PLD4: variants seen among roughly 807,000 people sequenced by gnomAD.
The protein encoded by PLD4 is phospholipase D family member 4, also known as 5'-3' exonuclease PLD4.
In PLD4, 54 loss-of-function variants were observed where a neutral mutation model predicts 52.3. The ratio of observed to expected loss-of-function variants is 1.03; its 90% confidence interval spans 0.83 to 1.30. The LOEUF (loss-of-function observed/expected upper bound fraction) is 1.30. PLD4 is among the 50% of genes most tolerant of loss of function. PLD4 has a pLI of 0.00. For synonymous variants in PLD4, 264 were observed against 286.5 expected (o/e 0.92, Z 0.79); for missense variants, 731 against 671.1 (o/e 1.09, Z -0.99).
chr14:104,930,824 T>G lies in PLD4; in HGVS notation c.800T>G (p.Leu267Arg). The G allele has an allele frequency of 6.2e-7, 1 of 1,613,552 alleles. No homozygotes were observed. The highest frequency in any genetic ancestry group is 8.5e-7 in the Non-Finnish European group (1 of 1,180,014). ...LEKTFQTYWV[L>R]GVPKAVLPKT... ...AAGACCTTCCAGACCTACTGGGTAC[T>G]GGGGGTGCCCAAGGCTGTCCTCCCC... is the stretch of plus-strand genomic sequence containing the variant. The change falls in exon 7 of 11, where the codon CTG becomes CGG. Residue 267 changes from leucine to arginine, a missense_variant. Physicochemically the swap from Leu to Arg is moderately radical, Grantham distance 102. Transcript: ENST00000392593.
At chr14:104,933,321 T>A, downstream of PLD4, 1 of 197,578 alleles carries the variant, frequency 5.1e-6, no homozygotes, top group Non-Finnish European at 1.0e-5. Context: ...CCTGCGAAAC[T>A]GCGCCGCGCG....
chr14:104,932,839 G>C lies in PLD4; in HGVS notation c.1396G>C (p.Ala466Pro). The C allele has an allele frequency of 6.2e-7, 1 of 1,604,890 alleles. No homozygotes were observed. Among genetic ancestry groups the C allele is most frequent in the South Asian group, 1.1e-5 (1 of 89,714 alleles). ...VGLVVTQSPG[A>P]QPAGATVQEQ... is the part of the protein sequence containing the mutation. ...CTTGGTGGTCACCCAGAGCCCTGGCGCGCAGCCCGCGGGGGCCACGGTGCA... is the reference window on the plus strand; with the variant it reads ...CTTGGTGGTCACCCAGAGCCCTGGCCCGCAGCCCGCGGGGGCCACGGTGCA... Residue 466 changes from alanine (A) to proline (P), a missense_variant, in exon 11 of 11, where the codon GCG becomes CCG. By Grantham distance (27) the Ala-to-Pro change is conservative. Coordinates refer to ENST00000392593, the MANE Select transcript of PLD4 (RefSeq NM_138790.5). The surrounding 1 kb of genome is among the most constrained non-coding windows in gnomAD (Gnocchi z 6.5).
chr14:104,933,398 C>A (rs1485628323), downstream of PLD4: 2 of 158,080 alleles, frequency 1.3e-5, no homozygotes, highest in African/African-American at 2.4e-5. Flanking sequence ...GGGCGGGGAC[C>A]AGACGGGCCT....
At position 104,932,947 on chromosome 14, in the gene PLD4, T is replaced by A. The variant is rs755870923; in HGVS notation, c.1504T>A (p.Cys502Ser). The change falls in exon 11 of 11, where the codon TGC becomes AGC. Residue 502 changes from cysteine to serine, a missense_variant. Physicochemically the swap from Cys to Ser is moderately radical, Grantham distance 112 (BLOSUM62 -1). Transcript: ENST00000392593. The surrounding 1 kb of genome is among the most constrained non-coding windows in gnomAD (Gnocchi z 6.5). ...GGACGGACAGGCTCCGGGCCAGGACTGCGTTTGGCAGGGCTGAGGGGGGCC... is the reference window on the plus strand; with the variant it reads ...GGACGGACAGGCTCCGGGCCAGGACAGCGTTTGGCAGGGCTGAGGGGGGCC... ...GLDGQAPGQD[C>S]VWQG is the part of the protein sequence containing the mutation. The A allele has an allele frequency of 3.1e-6, 5 of 1,593,278 alleles. No individual in the cohort carries two copies. In the South Asian group the frequency reaches 5.7e-5, roughly 18 times the overall value.
intron 4 of PLD4, 44 bp downstream of exon 4, chr14:104,928,976 C>T: frequency 1.3e-6 from 2 of 1,555,594 alleles, no homozygotes; most frequent in Non-Finnish European, 1.7e-6. Context: ...GCTGGAAACA[C>T]AGCAAGTCAG....
At chr14:104,927,996 C>A in intron 3 of PLD4, 130 bp downstream of exon 3, 1 of 1,052,106 alleles carries the variant, frequency 9.5e-7, no homozygotes. Context: ...TGCAGGTCAC[C>A]AGGGAGGGCC....
downstream of PLD4, chr14:104,934,752 CCT>C (rs2140808262): frequency 6.6e-6 from 1 of 152,356 alleles, no homozygotes; most frequent in South Asian, 2.1e-4. Flanking sequence ...CTTCCTCTTC[CCT>C]CTTTGCTTTG....
intron 8 of PLD4, 57 bp from the exon 9 acceptor site, chr14:104,931,955 C>T: frequency 1.3e-6 from 2 of 1,527,668 alleles, no homozygotes; most frequent in Non-Finnish European, 1.8e-6. Flanking sequence ...TCCCCTCCTG[C>T]TGGGACCCCT....
Position 104,932,697 on chromosome 14 carries a change from G to A in PLD4, c.1322-68G>A. On this transcript the variant is annotated intron_variant, in intron 10 of 10. Coordinates refer to ENST00000392593, the MANE Select transcript of PLD4 (RefSeq NM_138790.5). This position sits in a 1 kb window ranked among gnomAD's most constrained non-coding sequence, Gnocchi z 6.5. The stretch of plus-strand genomic sequence containing the variant: ...GTCCCCAAACCCGTAGCCGGGCCTG[G>A]CGCTGAGCGGGCTGCAGAGGGGCCT... 1 of 1,420,066 alleles carries A rather than the reference G, an allele frequency of 7.0e-7. No homozygotes were observed. Among genetic ancestry groups the A allele is most frequent in the Non-Finnish European group, 9.4e-7 (1 of 1,066,350 alleles). 88.0% of individuals were successfully genotyped at this position (1,420,066 alleles called of 1,614,324 possible). A position where few individuals can be genotyped will look rare whatever the true frequency, so the allele number is the denominator to read the frequency against.
At chr14:104,931,695 G>A in intron 7 of PLD4, 53 bp from the exon 8 acceptor site, 1 of 1,542,704 alleles carries the variant, frequency 6.5e-7, no homozygotes, top group Admixed American at 1.9e-5. Context: ...GGGGTCACAA[G>A]TTCAGAATGG....
chr14:104,927,290 G>A (rs1005202225), intron 2 of PLD4, 60 bp downstream of exon 2: 33 of 1,377,168 alleles, frequency 2.4e-5, no homozygotes, highest in African/African-American at 1.2e-4. Context: ...CAAGAGCTCC[G>A]AGCCAGAGTG....
chr14:104,931,632 C>A, intron 7 of PLD4, 116 bp from the exon 8 acceptor site: 1 of 1,366,358 alleles, frequency 7.3e-7, no homozygotes, highest in Non-Finnish European at 9.7e-7. Context: ...TATTTCCAGG[C>A]ACCTGGGCCC....
intron 4 of PLD4, 34 bp downstream of exon 4, chr14:104,928,966 G>T (rs1000008445): frequency 1.3e-6 from 2 of 1,564,956 alleles, no homozygotes; most frequent in African/African-American, 2.7e-5. Flanking sequence ...GCATCCTGGT[G>T]CTGGAAACAC....
intron 3 of PLD4, among the ~76,000 whole-genome samples, chr14:104,928,239 G>A (rs1036546992): frequency 1.3e-5 from 2 of 152,032 alleles, no homozygotes; most frequent in African/African-American, 4.8e-5. Context: ...TCCCAGGACT[G>A]CCCCGGAGGA....
rs767504745 is a variant in PLD4, at chr14:104,927,649, C to T, written c.91-24C>T. The T allele has an allele frequency of 1.5e-5, 23 of 1,541,464 alleles. No individual in the cohort carries two copies. In the East Asian group the frequency reaches 4.5e-4, roughly 30 times the overall value. The stretch of plus-strand genomic sequence containing the variant: ...AGTCAAGCCCCGCCCTGTCTGGTGA[C>T]CCTGCGGGTGCTGCCCCATCCAGTT... On this transcript the variant is annotated intron_variant, in intron 2 of 10. Coordinates refer to ENST00000392593, the MANE Select transcript of PLD4 (RefSeq NM_138790.5).
chr14:104,929,428 G>A lies in PLD4; in HGVS notation c.589+1G>A. ...GACCTGCAGGTTCTGGCTGCCCGAG[G>A]TGGGTACCTGCACCATGCTGGGCAC... On this transcript the variant is annotated splice_donor_variant, in intron 5 of 10. Transcript: ENST00000392593. LOFTEE classifies it high-confidence loss of function. 6.4e-7 allele frequency: 1 copy of A among 1,554,604 alleles called. No homozygotes were observed. The highest frequency in any genetic ancestry group is 8.7e-7 in the Non-Finnish European group (1 of 1,149,324).
At chr14:104,929,880 C>T in intron 5 of PLD4, 98 bp from the exon 6 acceptor site, 1 of 1,418,458 alleles carries the variant, frequency 7.0e-7, no homozygotes, top group Non-Finnish European at 9.7e-7. Context: ...GTGAGGACAT[C>T]TGAGTCAACC....
rs553519108 is a variant in PLD4 at position 104,932,714 on chromosome 14, G to A, written c.1322-51G>A. On this transcript the variant is annotated intron_variant, in intron 10 of 10. Transcript: ENST00000392593. The surrounding 1 kb of genome is among the most constrained non-coding windows in gnomAD (Gnocchi z 6.5). ...CGGGCCTGGCGCTGAGCGGGCTGCA[G>A]AGGGGCCTGTGGGAGCCGGCGCCCC... is the stretch of plus-strand genomic sequence containing the variant. 239 of 1,465,026 alleles carry A rather than the reference G, an allele frequency of 1.6e-4. No individual in the cohort carries two copies. The highest frequency in any genetic ancestry group is 2.0e-4 in the Non-Finnish European group (223 of 1,097,816). The allele number at this position is 1,465,026 out of a possible 1,614,324, so 90.8% of individuals were successfully genotyped here.
rs1309624332 is a variant in PLD4, at chr14:104,933,217, TA to T, written c.*261del. 5 of 425,386 alleles carry T rather than the reference TA, an allele frequency of 1.2e-5. No individual in the cohort carries two copies. Among genetic ancestry groups the T allele is most frequent in the Non-Finnish European group, 1.2e-5 (3 of 241,846 alleles). The allele number at this position is 425,386 out of a possible 1,614,324, so 26.4% of individuals were successfully genotyped here. The stretch of plus-strand genomic sequence containing the variant: ...TGACTCCTGGCCCACAGGCCAGGCC[TA>T]AAAAAAACTCGTGGCTTCCCGGTGC... On this transcript the variant is annotated 3_prime_UTR_variant, in exon 11 of 11. Coordinates refer to ENST00000392593, the MANE Select transcript of PLD4 (RefSeq NM_138790.5).
Sources: gnomAD v4.1 joint callset for allele counts (sites outside exome capture counted in the v4.1 genomes callset) on GRCh38, gnomAD v4.1.1 for gene constraint, Gnocchi (gnomAD v3.1) non-coding constraint, MANE v1.5 for transcripts, NCBI Gene and HGNC (gene_info 2026-07-23, HGNC 2026-07-21) for gene names.